PROM1: variants seen among roughly 807,000 people sequenced by gnomAD.
PROM1 encodes the protein prominin-1.
Under a neutral mutation model 116.9 loss-of-function variants are expected in PROM1, and 105 were observed. That is an observed-to-expected ratio of 0.90 (90% CI 0.77 to 1.06). The LOEUF (loss-of-function observed/expected upper bound fraction) is 1.06. Ranked by LOEUF, PROM1 falls within the 50% of genes least tolerant of loss-of-function variation. The pLI, the probability that PROM1 is intolerant of heterozygous loss-of-function variation, is 0.00. For missense variants in PROM1, 1,122 were observed against 1,045.2 expected (o/e 1.07, Z -1.01); for synonymous variants, 393 against 387.0 (o/e 1.02, Z -0.18).
intron 5 of PROM1, among the ~76,000 whole-genome samples, chr4:16,028,716 A>T (rs935475707): frequency 1.3e-5 from 2 of 152,246 alleles, no homozygotes; most frequent in African/African-American, 2.4e-5. Context: ...ATACCAAGAG[A>T]CATTTACCTA....
chr4:16,058,417 G>A (rs1341224262), intron 2 of PROM1, among the ~76,000 whole-genome samples: 3 of 152,124 alleles, frequency 2.0e-5, no homozygotes, highest in South Asian at 2.1e-4. Flanking sequence ...TGATGCCAAC[G>A]CAGGTGGATC....
intron 18 of PROM1, among the ~76,000 whole-genome samples, chr4:15,990,657 T>C (rs1023766024): frequency 6.6e-6 from 1 of 152,030 alleles, no homozygotes; most frequent in Non-Finnish European, 1.5e-5. Flanking sequence ...CATCTTGAGA[T>C]AGAAGGCAGG....
At chr4:16,044,484 G>T (rs567696370) in intron 2 of PROM1, among the ~76,000 whole-genome samples, 1 of 152,134 alleles carries the variant, frequency 6.6e-6, no homozygotes, top group Non-Finnish European at 1.5e-5. Context: ...GCCTCTCTGC[G>T]GAGAGACCAC....
chr4:16,016,116 C>G (rs1476086299), intron 10 of PROM1, 50 bp downstream of exon 10: 17 of 1,450,476 alleles, frequency 1.2e-5, no homozygotes, highest in Non-Finnish European at 6.6e-6. Context: ...TACTAGTCCA[C>G]CCTTTAAAAT....
At chr4:16,067,018 A>G (rs1433304237) in intron 2 of PROM1, among the ~76,000 whole-genome samples, 1 of 152,202 alleles carries the variant, frequency 6.6e-6, no homozygotes, top group Admixed American at 6.5e-5. Context: ...GTTACAGAAG[A>G]CTGCCCTATG....
At chr4:15,980,606 ATTTTT>A (rs200645062) in intron 23 of PROM1, 69 bp from the exon 24 acceptor site, 13,681 of 730,364 alleles carry the variant, frequency 0.019, 150 homozygotes, top group African/African-American at 0.044. Context: ...TGTTTGGGGG[ATTTTT>A]TTTTTTTTTT....
chr4:16,049,188 T>C (rs375594685), intron 2 of PROM1, among the ~76,000 whole-genome samples: 2 of 152,372 alleles, frequency 1.3e-5, no homozygotes, highest in African/African-American at 4.8e-5. Context: ...TAATTCCATT[T>C]ACAGCCTTTG....
intron 15 of PROM1, 37 bp from the exon 16 acceptor site, chr4:15,994,108 G>C (rs753906431): frequency 1.9e-6 from 3 of 1,612,626 alleles, no homozygotes; most frequent in Admixed American, 3.3e-5. Context: ...ACCTAGAAAA[G>C]CTGTTGCAGC....
intron 2 of PROM1, chr4:16,055,377 T>G: frequency 2.2e-6 from 1 of 456,254 alleles, no homozygotes; most frequent in Non-Finnish European, 4.4e-6. Context: ...GGCTTCGTTA[T>G]CCTACCAGCT....
chr4:15,984,535 G>A (rs1400623905), intron 22 of PROM1, among the ~76,000 whole-genome samples, 180 bp from the exon 23 acceptor site: 1 of 152,222 alleles, frequency 6.6e-6, no homozygotes, highest in Non-Finnish European at 1.5e-5. Context: ...CAGCCTGTTA[G>A]GAACTGGGCT....
At chr4:16,032,464 A>G (rs1732944724) in intron 5 of PROM1, among the ~76,000 whole-genome samples, 1 of 152,226 alleles carries the variant, frequency 6.6e-6, no homozygotes, top group South Asian at 2.1e-4. Context: ...GCTACTGAGC[A>G]CGTGTGGTGT....
rs1723543517 is a variant in PROM1 at position 16,000,622 on chromosome 4, G to T, written c.1455-3C>A. 1 of 1,538,806 alleles carries T rather than the reference G, an allele frequency of 6.5e-7. No homozygotes were observed. The highest frequency in any genetic ancestry group is 8.8e-7 in the Non-Finnish European group (1 of 1,130,020). On this transcript the variant is annotated splice_polypyrimidine_tract_variant and splice_region_variant and intron_variant, in intron 13 of 27. Coordinates refer to ENST00000447510, the MANE Select transcript of PROM1 (RefSeq NM_006017.3). Reference sequence around the variant, plus strand: ...AGAGGAAACTTAATCCAACTCCACTGGAAAAAAATATAAAGTTAGTAATTC... The same window carrying T: ...AGAGGAAACTTAATCCAACTCCACTTGAAAAAAATATAAAGTTAGTAATTC...
intron 2 of PROM1, among the ~76,000 whole-genome samples, chr4:16,064,355 G>T (rs940180824): frequency 6.6e-6 from 1 of 152,134 alleles, no homozygotes; most frequent in Non-Finnish European, 1.5e-5. Flanking sequence ...AGCAAAAGAA[G>T]CCAGAAACCA....
At chr4:16,083,333 C>CT (rs1745392867) in intron 1 of PROM1, 1 of 152,310 alleles carries the variant, frequency 6.6e-6, no homozygotes, top group African/African-American at 2.4e-5. Flanking sequence ...CGGCCGCCGG[C>CT]TACCCCCACC....
At chr4:15,975,996 T>C (rs1716020340) in intron 26 of PROM1, among the ~76,000 whole-genome samples, 1 of 152,212 alleles carries the variant, frequency 6.6e-6, no homozygotes, top group African/African-American at 2.4e-5. Flanking sequence ...AATTCAAGTG[T>C]GCTGTGGACC....
In PROM1 at chr4:15,968,435, A is replaced by T. The variant is rs1713601288; in HGVS notation, c.*958T>A. On this transcript the variant is annotated 3_prime_UTR_variant, in exon 28 of 28. Coordinates refer to ENST00000447510, the MANE Select transcript of PROM1 (RefSeq NM_006017.3). ...ATATTTACCTTGTGCTTTCATGCAA[A>T]TTTAGGGACCAAACTCAAAGGTTTC... The T allele has an allele frequency of 6.6e-6, 1 of 152,202 alleles. No individual in the cohort carries two copies. The highest frequency in any genetic ancestry group is 2.1e-4 in the South Asian group (1 of 4,834). 9.4% of individuals were successfully genotyped at this position (152,202 alleles called of 1,614,324 possible).
intron 13 of PROM1, among the ~76,000 whole-genome samples, chr4:16,004,305 G>A (rs944172788): frequency 6.6e-6 from 1 of 152,120 alleles, no homozygotes; most frequent in Non-Finnish European, 1.5e-5. Context: ...GAATCCTATG[G>A]CCTCCATGCC....
rs1052124932 is a variant in PROM1, at chr4:16,006,589, G to A, written c.1403C>T (p.Thr468Ile). The change falls in exon 13 of 28, where the codon ACC becomes ATC. Residue 468 changes from threonine (T) to isoleucine (I), a missense_variant. Coordinates refer to ENST00000447510, the MANE Select transcript of PROM1 (RefSeq NM_006017.3). The part of the protein sequence containing the change: ...CGVCGYDRHA[T>I]PTTRGCVSNT... ...GGAGACACAGCCTCGGGTGGTCGGG[G>A]TGGCATGCCTGTCATAGCCGCACAC... is the stretch of plus-strand genomic sequence containing the variant. 7 of 1,606,124 alleles carry A rather than the reference G, an allele frequency of 4.4e-6. No homozygotes were observed. Among genetic ancestry groups the A allele is most frequent in the African/African-American group, 4.0e-5 (3 of 74,778 alleles).
At position 15,968,967 on chromosome 4, in the gene PROM1, C is replaced by CA. The variant is rs979333459; in HGVS notation, c.*425dup. The CA allele has an allele frequency of 1.1e-3, 167 of 152,312 alleles. 2 individuals carry two copies. Among genetic ancestry groups the CA allele is most frequent in the African/African-American group, 3.9e-3 (164 of 41,544 alleles). The allele number at this position is 152,312 out of a possible 1,614,324, so 9.4% of individuals were successfully genotyped here. A position where few individuals can be genotyped will look rare whatever the true frequency, so the allele number is the denominator to read the frequency against. On this transcript the variant is annotated 3_prime_UTR_variant, in exon 28 of 28. Transcript: ENST00000447510. ...AGGTATATACACCGTTTACTGTACACAAAATGCATCTTTCCTGTAAACTGG... is the reference window on the plus strand; with the variant it reads ...AGGTATATACACCGTTTACTGTACACAAAAATGCATCTTTCCTGTAAACTGG...
Sources: allele counts gnomAD v4.1 joint callset (sites outside exome capture counted in the v4.1 genomes callset), GRCh38; gene constraint gnomAD v4.1.1; transcripts MANE v1.5; gene names NCBI Gene and HGNC (gene_info 2026-07-23, HGNC 2026-07-21).